Variants in RABGAP1L observed in about 807,000 individuals in gnomAD.
The protein encoded by RABGAP1L is RAB GTPase activating protein 1 like.
In RABGAP1L, 63 loss-of-function variants were observed where a neutral mutation model predicts 137.7. The ratio of observed to expected loss-of-function variants is 0.46; its 90% CI spans 0.37 to 0.56. The LOEUF is 0.56. RABGAP1L is among the 20% of genes least tolerant of loss of function. The pLI, the probability that RABGAP1L is intolerant of heterozygous loss-of-function variation, is 0.00. For synonymous variants in RABGAP1L, 431 were observed against 433.7 expected, an observed-to-expected ratio of 0.99 and a Z score of 0.08; for missense variants, 1,095 against 1,244.0, an observed-to-expected ratio of 0.88 and a Z score of 1.80.
chr1:174,982,685 A>G, intron 23 of RABGAP1L, 149 bp from the exon 24 acceptor site: 1 of 717,658 alleles, frequency 1.4e-6, no homozygotes. Context: ...CTCATTTCCG[A>G]AATGACTGGC....
At chr1:174,545,850 C>T (rs1665963213) in intron 13 of RABGAP1L, 1 of 152,140 alleles carries the variant, frequency 6.6e-6, no homozygotes, top group Non-Finnish European at 1.5e-5. Flanking sequence ...ATTTTGAATG[C>T]TTAATGTATT....
intron 17 of RABGAP1L, among the ~76,000 whole-genome samples, chr1:174,722,841 C>T (rs1681681271): frequency 6.6e-6 from 1 of 152,134 alleles, no homozygotes. Flanking sequence ...TACCAATCTT[C>T]TTTCTTCCAA....
Position 174,252,521 on chromosome 1 carries a change from A to G in RABGAP1L, c.917A>G (p.Lys306Arg). Residue 306 changes from lysine to arginine, a missense_variant, in exon 7 of 26, where the codon AAG becomes AGG. By Grantham distance (26) the Lys-to-Arg change is conservative. Coordinates refer to ENST00000681986, the MANE Select transcript of RABGAP1L (RefSeq NM_001366446.1). ...AGAGATAAATTTTATTTCAAATTAA[A>G]GCAAGGAATAGAGAAGAAGGTTGTG... ...KDRDKFYFKL[K>R]QGIEKKVVIT... 1 of 1,613,322 alleles carries G rather than the reference A, an allele frequency of 6.2e-7. No homozygotes were observed. The highest frequency in any genetic ancestry group is 8.5e-7 in the Non-Finnish European group (1 of 1,179,712).
At chr1:174,762,753 A>G (rs1685325803) in intron 18 of RABGAP1L, among the ~76,000 whole-genome samples, 1 of 148,062 alleles carries the variant, frequency 6.8e-6, no homozygotes, top group African/African-American at 2.5e-5. Flanking sequence ...TCCTATGTGT[A>G]TATGAATAAG....
chr1:174,738,266 A>G (rs1683115169), intron 17 of RABGAP1L, among the ~76,000 whole-genome samples: 1 of 152,188 alleles, frequency 6.6e-6, no homozygotes, highest in Non-Finnish European at 1.5e-5. Context: ...TCAGGAAGTA[A>G]TCAGAAAGAC....
intron 13 of RABGAP1L, among the ~76,000 whole-genome samples, chr1:174,437,857 T>C (rs1263736853): frequency 6.6e-6 from 1 of 152,272 alleles, no homozygotes; most frequent in East Asian, 1.9e-4. Flanking sequence ...CCCATCAGAC[T>C]AACAGCTGAT....
intron 1 of RABGAP1L, among the ~76,000 whole-genome samples, chr1:174,211,932 A>C (rs1269525283): frequency 6.6e-6 from 1 of 152,170 alleles, no homozygotes; most frequent in African/African-American, 2.4e-5. Context: ...AGAGGATATA[A>C]TGATTGTACA....
rs1043097973 is a variant in RABGAP1L, at chr1:174,589,003, T to C, written c.1711-48372T>C. ...GCTGGATCATATGGTGGTTCTGTTTTTAATTTTTTGCAGAACTTCTATACT... is the reference window on the plus strand; with the variant it reads ...GCTGGATCATATGGTGGTTCTGTTTCTAATTTTTTGCAGAACTTCTATACT... On this transcript the variant is annotated intron_variant, in intron 13 of 25. Coordinates refer to ENST00000681986, the MANE Select transcript of RABGAP1L (RefSeq NM_001366446.1). Among the ~76,000 whole-genome samples, 5 of 152,212 alleles carry C rather than the reference T, an allele frequency of 3.3e-5. 1 individual carries two copies. The highest frequency in any genetic ancestry group is 3.3e-4 in the Admixed American group (5 of 15,284).
rs960110277 is a variant in RABGAP1L, at chr1:174,838,941, A to T, written c.2340+26981A>T. Among the ~76,000 whole-genome samples, 223 of 147,298 alleles carry T rather than the reference A, an allele frequency of 1.5e-3. 6 individuals carry two copies. The highest frequency in any genetic ancestry group is 2.4e-3 in the Non-Finnish European group (157 of 66,564). On this transcript the variant is annotated intron_variant, in intron 19 of 25. Transcript: ENST00000681986. Reference sequence around the variant, plus strand: ...TCAAAAAAAAAAAAAAAAAAAAAAAAAAAAAAAAAAAAATGACATGAGTCA... The same window carrying T: ...TCAAAAAAAAAAAAAAAAAAAAAAATAAAAAAAAAAAAATGACATGAGTCA...
intron 19 of RABGAP1L, among the ~76,000 whole-genome samples, chr1:174,930,629 T>G (rs1663635809): frequency 6.6e-6 from 1 of 152,198 alleles, no homozygotes; most frequent in Non-Finnish European, 1.5e-5. Context: ...CGAACCCATT[T>G]TTAAGTTGTC....
intron 13 of RABGAP1L, among the ~76,000 whole-genome samples, chr1:174,502,173 T>G (rs747407463): frequency 3.3e-5 from 5 of 151,996 alleles, no homozygotes; most frequent in Non-Finnish European, 7.4e-5. Context: ...GAACTTTTTA[T>G]AAGCAACAAG....
intron 19 of RABGAP1L, among the ~76,000 whole-genome samples, chr1:174,823,008 A>T (rs1691202244): frequency 6.6e-6 from 1 of 152,244 alleles, no homozygotes; most frequent in South Asian, 2.1e-4. Flanking sequence ...TAGAAAAACA[A>T]ATAGTAAACC....
intron 11 of RABGAP1L, among the ~76,000 whole-genome samples, chr1:174,346,627 CT>C (rs965330204): frequency 6.6e-5 from 10 of 150,594 alleles, no homozygotes; most frequent in East Asian, 1.9e-4. Context: ...TGGGGCTTCT[CT>C]TTTTTTTTCT....
intron 1 of RABGAP1L, 145 bp from the exon 2 acceptor site, chr1:174,218,980 A>G (rs1669547477): frequency 1.6e-5 from 10 of 612,586 alleles, no homozygotes; most frequent in Non-Finnish European, 2.7e-5. Context: ...CCAAGAAGGT[A>G]GCCTCCCTAA....
At chr1:174,222,670 A>G (rs1669849233) in intron 3 of RABGAP1L, among the ~76,000 whole-genome samples, 2 of 152,358 alleles carry the variant, frequency 1.3e-5, no homozygotes, top group South Asian at 4.1e-4. Context: ...ATATATTGAA[A>G]CAGGAGCAGT....
At chr1:174,875,689 T>C (rs1239151701) in intron 19 of RABGAP1L, 1 of 985,178 alleles carries the variant, frequency 1.0e-6, no homozygotes, top group East Asian at 1.1e-4. Flanking sequence ...TTAAAGTACT[T>C]CTGAAAAGAT....
chr1:174,457,122 C>T (rs1460664756), intron 13 of RABGAP1L, among the ~76,000 whole-genome samples: 3 of 152,004 alleles, frequency 2.0e-5, no homozygotes, highest in Non-Finnish European at 1.5e-5. Flanking sequence ...TACATTGTAG[C>T]GTTAGAGGGA....
At chr1:174,621,429 C>T (rs1019256167) in intron 13 of RABGAP1L, among the ~76,000 whole-genome samples, 3 of 152,162 alleles carry the variant, frequency 2.0e-5, no homozygotes, top group Non-Finnish European at 2.9e-5. Context: ...AAGCTGGAGG[C>T]ATCAAGCTAC....
chr1:174,940,740 A>G (rs929432117), intron 19 of RABGAP1L, among the ~76,000 whole-genome samples: 2 of 152,232 alleles, frequency 1.3e-5, no homozygotes, highest in Non-Finnish European at 2.9e-5. Flanking sequence ...CTAACGTCAG[A>G]TATTCTGCCT....
Sources: allele counts gnomAD v4.1 joint callset (sites outside exome capture counted in the v4.1 genomes callset), GRCh38; gene constraint gnomAD v4.1.1; transcripts MANE v1.5; gene names NCBI Gene and HGNC (gene_info 2026-07-23, HGNC 2026-07-21).